Variants in STAT5B observed in about 807,000 individuals in gnomAD.
The protein encoded by STAT5B is transcription factor STAT5B.
Under a neutral mutation model 107.8 loss-of-function variants are expected in STAT5B, and 21 were observed. The ratio of observed to expected loss-of-function variants is 0.19; its 90% CI spans 0.14 to 0.28. The LOEUF (loss-of-function observed/expected upper bound fraction) is 0.28, where lower values mean the gene tolerates loss of function less well. Ranked by LOEUF, STAT5B falls within the 10% of genes least tolerant of loss-of-function variation. The pLI, the probability that STAT5B is intolerant of heterozygous loss-of-function variation, is 1.00. For missense variants in STAT5B, 565 were observed against 1,008.2 expected, an observed-to-expected ratio of 0.56 and a Z score of 5.95; for synonymous variants, 325 against 401.7, an observed-to-expected ratio of 0.81 and a Z score of 2.28.
chr17:42,232,164 G>C, intron 1 of STAT5B, 27 bp from the exon 2 acceptor site: 1 of 1,607,118 alleles, frequency 6.2e-7, no homozygotes, highest in Non-Finnish European at 8.5e-7. Flanking sequence ...CAGTGCTTTG[G>C]GCGTTTTTTC....
intron 1 of STAT5B, among the ~76,000 whole-genome samples, chr17:42,247,894 A>G (rs984385447): frequency 5.3e-5 from 8 of 151,960 alleles, no homozygotes; most frequent in Admixed American, 3.3e-4. Context: ...TAGTAGCTGC[A>G]GTGAACTATG....
intron 5 of STAT5B, among the ~76,000 whole-genome samples, chr17:42,220,717 C>A (rs1218957897): frequency 6.6e-6 from 1 of 152,178 alleles, no homozygotes; most frequent in Non-Finnish European, 1.5e-5. Flanking sequence ...AGGGAGGCGG[C>A]TTCCCTCCAC....
intron 2 of STAT5B, among the ~76,000 whole-genome samples, chr17:42,228,426 C>T (rs2080292055): frequency 6.6e-6 from 1 of 152,126 alleles, no homozygotes; most frequent in South Asian, 2.1e-4. Context: ...TCCTTCCTTC[C>T]TTTCTACTAC....
At chr17:42,248,223 C>T (rs902768203) in intron 1 of STAT5B, among the ~76,000 whole-genome samples, 1 of 140,988 alleles carries the variant, frequency 7.1e-6, no homozygotes, top group Non-Finnish European at 1.5e-5. Context: ...TGCTGTGAGC[C>T]GTGATTGTGT....
At chr17:42,256,578 G>A (rs898287136) in intron 1 of STAT5B, among the ~76,000 whole-genome samples, 24 of 151,872 alleles carry the variant, frequency 1.6e-4, no homozygotes, top group Non-Finnish European at 2.8e-4. Context: ...GACTACATTC[G>A]GCCAGGCACA....
At chr17:42,217,968 A>G in intron 9 of STAT5B, 183 bp downstream of exon 9, 2 of 1,045,842 alleles carry the variant, frequency 1.9e-6, no homozygotes, top group Non-Finnish European at 2.8e-6. Context: ...GGCCTCTTAA[A>G]GTGCTTGGAT....
At chr17:42,270,199 GCT>G (rs2080711263) in intron 1 of STAT5B, among the ~76,000 whole-genome samples, 1 of 152,020 alleles carries the variant, frequency 6.6e-6, no homozygotes, top group African/African-American at 2.4e-5. Context: ...ACAGAGCGAG[GCT>G]CTGTCTCAAG....
rs560314904 is a variant in STAT5B, at chr17:42,237,491, C to T, written c.-10-5354G>A. Among the ~76,000 whole-genome samples the T allele has an allele frequency of 2.6e-5, 4 of 152,242 alleles. No homozygotes were observed. The East Asian group carries it at 7.7e-4, about 29-fold the overall frequency. On this transcript the variant is annotated intron_variant, in intron 1 of 18. Coordinates refer to ENST00000293328, the MANE Select transcript of STAT5B (RefSeq NM_012448.4). ...CACTGTGACCAAGGTCTTGCCCTAGCTAAACTGCAGTGGAGAGTAGTGTCT... is the reference window on the plus strand; with the variant it reads ...CACTGTGACCAAGGTCTTGCCCTAGTTAAACTGCAGTGGAGAGTAGTGTCT...
intron 1 of STAT5B, among the ~76,000 whole-genome samples, chr17:42,245,511 C>T (rs1007175931): frequency 4.6e-5 from 7 of 151,898 alleles, no homozygotes; most frequent in African/African-American, 1.5e-4. Flanking sequence ...GCCACCAATG[C>T]CTGGCTAATT....
chr17:42,262,942 A>G (rs371386823), intron 1 of STAT5B, among the ~76,000 whole-genome samples: 535 of 45,400 alleles, frequency 0.012, 27 homozygotes, highest in South Asian at 0.067. Context: ...ATGTATATAT[A>G]TGTGTGTGTG....
the STAT5B span, among the ~76,000 whole-genome samples, chr17:42,285,315 C>T: frequency 1.3e-4 from 20 of 152,206 alleles, no homozygotes; most frequent in Non-Finnish European, 2.9e-4. Flanking sequence ...TGGTCTCAAA[C>T]TCCTGGCCTC....
At chr17:42,278,808 G>T (rs1033634769), upstream of STAT5B, among the ~76,000 whole-genome samples, 4 of 151,896 alleles carry the variant, frequency 2.6e-5, no homozygotes, top group African/African-American at 9.7e-5. Context: ...TTGAAACCCT[G>T]TCTCTACTAA....
intron 1 of STAT5B, among the ~76,000 whole-genome samples, chr17:42,260,961 G>T (rs2080590886): frequency 6.7e-6 from 1 of 149,444 alleles, no homozygotes; most frequent in Non-Finnish European, 1.5e-5. Context: ...TTGTCGCCGA[G>T]GCTGAAGTGC....
intron 1 of STAT5B, among the ~76,000 whole-genome samples, chr17:42,263,878 C>CAT (rs1305546010): frequency 2.9e-5 from 4 of 136,474 alleles, no homozygotes; most frequent in African/African-American, 1.1e-4. Context: ...CGCGCACACA[C>CAT]ACACACACAC....
At chr17:42,217,688 A>G (rs2080184067) in intron 9 of STAT5B, 3 of 568,182 alleles carry the variant, frequency 5.3e-6, no homozygotes, top group Non-Finnish European at 9.2e-6. Context: ...TCCTAAGAGA[A>G]CTTTTTTTTT....
intron 13 of STAT5B, 27 bp from the exon 14 acceptor site, chr17:42,210,524 A>T (rs1234456530): frequency 6.3e-7 from 1 of 1,578,810 alleles, no homozygotes; most frequent in Non-Finnish European, 8.7e-7. Context: ...CAGTGAACAT[A>T]AGAACACCAG....
intron 1 of STAT5B, chr17:42,234,528 C>G (rs953746277): frequency 5.9e-5 from 9 of 152,080 alleles, no homozygotes; most frequent in African/African-American, 2.2e-4. Context: ...TTTTGGAAAA[C>G]CAGAACAGAT....
At chr17:42,206,417 C>T (rs903476066) in intron 16 of STAT5B, among the ~76,000 whole-genome samples, 6 of 151,830 alleles carry the variant, frequency 4.0e-5, no homozygotes, top group Middle Eastern at 6.9e-3. Flanking sequence ...TTATGGTCTT[C>T]GTTCTGCTGC....
At chr17:42,262,809 T>TACACACACATATATATGTGTATATATAC (rs66859052) in intron 1 of STAT5B, among the ~76,000 whole-genome samples, 1 of 122,942 alleles carries the variant, frequency 8.1e-6, no homozygotes, top group African/African-American at 3.2e-5. Flanking sequence ...TGTGTATATA[T>TACACACACATATATATGTGTATATATAC]ACACACATAT....
Sources: allele counts gnomAD v4.1 joint callset (sites outside exome capture counted in the v4.1 genomes callset), GRCh38; gene constraint gnomAD v4.1.1; transcripts MANE v1.5; gene names NCBI Gene and HGNC (gene_info 2026-07-23, HGNC 2026-07-21).